Variants in KIF18A observed in about 807,000 individuals in gnomAD.
The protein encoded by KIF18A is kinesin family member 18A, also known as kinesin-like protein KIF18A.
Under a neutral mutation model 103.3 loss-of-function variants are expected in KIF18A, and 67 were observed. The observed-to-expected ratio is 0.65, with a 90% CI of 0.53 to 0.79. The LOEUF (loss-of-function observed/expected upper bound fraction) is 0.79, where lower values mean the gene tolerates loss of function less well. Among genes scored for constraint, KIF18A ranks in the 30% least tolerant of loss-of-function variants. The pLI is 0.00. For synonymous variants in KIF18A, 367 were observed against 355.5 expected (o/e 1.03, Z -0.36); for missense variants, 1,032 against 1,062.5 (o/e 0.97, Z 0.40).
At chr11:28,071,906 C>T (rs1851021237) in intron 10 of KIF18A, among the ~76,000 whole-genome samples, 1 of 152,130 alleles carries the variant, frequency 6.6e-6, no homozygotes, top group Admixed American at 6.5e-5. Context: ...GTCGTAGGGA[C>T]TCTTAGAAAC....
At chr11:28,026,266 T>C (rs746139252) in intron 15 of KIF18A, among the ~76,000 whole-genome samples, 42 of 151,746 alleles carry the variant, frequency 2.8e-4, no homozygotes, top group Non-Finnish European at 3.1e-4. Context: ...GCAAAATAAA[T>C]GAAATACATA....
At chr11:28,046,848 T>G (rs995453787) in intron 13 of KIF18A, among the ~76,000 whole-genome samples, 1 of 150,528 alleles carries the variant, frequency 6.6e-6, no homozygotes, top group African/African-American at 2.4e-5. Flanking sequence ...GGTCAGGAGT[T>G]TAAGACCAGC....
chr11:28,098,729 G>T (rs764582382), intron 1 of KIF18A, among the ~76,000 whole-genome samples: 13 of 152,120 alleles, frequency 8.5e-5, no homozygotes, highest in Non-Finnish European at 8.8e-5. Flanking sequence ...AAAAATTATG[G>T]TCTGATTTTA....
intron 1 of KIF18A, among the ~76,000 whole-genome samples, chr11:28,106,742 G>A (rs1851519565): frequency 6.6e-6 from 1 of 152,012 alleles, no homozygotes; most frequent in South Asian, 2.1e-4. Context: ...AGGCCGAGGC[G>A]GGCAGATGGC....
At chr11:28,076,891 G>A (rs1181904012) in intron 10 of KIF18A, 116 bp downstream of exon 10, 7 of 497,694 alleles carry the variant, frequency 1.4e-5, no homozygotes, top group African/African-American at 2.4e-5. Flanking sequence ...CTGAGGTTGT[G>A]CCACTGCACT....
At chr11:28,047,992 A>C (rs1282655474) in intron 13 of KIF18A, among the ~76,000 whole-genome samples, 1 of 152,144 alleles carries the variant, frequency 6.6e-6, no homozygotes. Context: ...CTATGTATAC[A>C]TGTGTATATA....
intron 5 of KIF18A, 133 bp from the exon 6 acceptor site, chr11:28,088,854 A>C: frequency 5.7e-6 from 4 of 696,618 alleles, no homozygotes; most frequent in Non-Finnish European, 9.6e-6. Context: ...GTATAATCTA[A>C]TTGATATTTA....
In KIF18A at chr11:28,058,843, A is replaced by C. The variant is rs1850819740; in HGVS notation, c.1948+83T>G. The C allele has an allele frequency of 8.8e-6, 9 of 1,024,200 alleles. 1 individual carries two copies. In the South Asian group the frequency reaches 1.2e-4, roughly 14 times the overall value. 63.4% of individuals were successfully genotyped at this position (1,024,200 alleles called of 1,614,324 possible). A position where few individuals can be genotyped will look rare whatever the true frequency, so the allele number is the denominator to read the frequency against. On this transcript the variant is annotated intron_variant, in intron 13 of 16. Transcript: ENST00000263181. Reference sequence around the variant, plus strand: ...TTCATAAAATAGACAAACCTATTAAAATTAACTGTTCTATAGATTGATATA... The same window carrying C: ...TTCATAAAATAGACAAACCTATTAACATTAACTGTTCTATAGATTGATATA...
chr11:28,077,180 T>C lies in KIF18A; in HGVS notation c.1263-11A>G. 2.6e-6 allele frequency: 4 copies of C among 1,543,664 alleles called. No individual in the cohort carries two copies. The highest frequency in any genetic ancestry group is 1.7e-4 in the Middle Eastern group (1 of 5,860). ...AGGATTTCTTGAAACCTACCAAAAT[T>C]AAAACACATTACAGAATCTCACTAA... is the stretch of plus-strand genomic sequence containing the variant. On this transcript the variant is annotated splice_polypyrimidine_tract_variant and intron_variant, in intron 9 of 16. Coordinates refer to ENST00000263181, the MANE Select transcript of KIF18A (RefSeq NM_031217.4).
intron 7 of KIF18A, 29 bp from the exon 8 acceptor site, chr11:28,083,272 T>C: frequency 6.5e-7 from 1 of 1,533,650 alleles, no homozygotes; most frequent in South Asian, 1.3e-5. Context: ...TATGATTGTT[T>C]ATAGAGAGAT....
intron 15 of KIF18A, among the ~76,000 whole-genome samples, chr11:28,027,029 G>T (rs1850330463): frequency 6.6e-6 from 1 of 151,728 alleles, no homozygotes; most frequent in South Asian, 2.1e-4. Flanking sequence ...CTTTGTTTAG[G>T]AGGGACAAGG....
At chr11:28,036,108 AG>A (rs1850483412) in intron 14 of KIF18A, 108 bp downstream of exon 14, 16 of 631,258 alleles carry the variant, frequency 2.5e-5, no homozygotes, top group African/African-American at 7.4e-5. Flanking sequence ...AAAATAAAAC[AG>A]ACTGTTTTAT....
chr11:28,084,597 T>C, intron 7 of KIF18A, 35 bp downstream of exon 7: 1 of 1,486,166 alleles, frequency 6.7e-7, no homozygotes, highest in African/African-American at 1.4e-5. Context: ...ATGCAGACAA[T>C]ACCTTCACAA....
intron 9 of KIF18A, among the ~76,000 whole-genome samples, chr11:28,079,880 G>A (rs1851142979): frequency 6.6e-6 from 1 of 151,932 alleles, no homozygotes; most frequent in South Asian, 2.1e-4. Flanking sequence ...TTAGCTGCTT[G>A]AGGAAAAAGT....
chr11:28,062,559 A>G (rs775224336), intron 11 of KIF18A, 43 bp from the exon 12 acceptor site: 1 of 1,485,682 alleles, frequency 6.7e-7, no homozygotes, highest in Non-Finnish European at 9.0e-7. Flanking sequence ...CACTCTAAGA[A>G]TATTGAAATT....
At chr11:28,088,438 C>T in intron 6 of KIF18A, 86 bp downstream of exon 6, 2 of 1,177,544 alleles carry the variant, frequency 1.7e-6, no homozygotes, top group Non-Finnish European at 2.5e-6. Context: ...TATATCAGAC[C>T]TTTAAAACAA....
chr11:28,069,515 A>G, intron 10 of KIF18A, 92 bp from the exon 11 acceptor site: 1 of 1,177,292 alleles, frequency 8.5e-7, no homozygotes, highest in Non-Finnish European at 1.2e-6. Context: ...TATGTGTACT[A>G]TTGTAGTAAA....
intron 13 of KIF18A, among the ~76,000 whole-genome samples, chr11:28,057,591 G>T (rs1195185685): frequency 1.3e-5 from 2 of 151,828 alleles, no homozygotes; most frequent in African/African-American, 4.8e-5. Flanking sequence ...TTTTGGTTTA[G>T]GTAAAGATGA....
chr11:28,040,784 G>A (rs1850549159), intron 13 of KIF18A, among the ~76,000 whole-genome samples: 1 of 151,608 alleles, frequency 6.6e-6, no homozygotes, highest in African/African-American at 2.4e-5. Flanking sequence ...TGTATGTTAT[G>A]GTTTCTGAGT....
Sources: allele counts gnomAD v4.1 joint callset (sites outside exome capture counted in the v4.1 genomes callset), GRCh38; gene constraint gnomAD v4.1.1; transcripts MANE v1.5; gene names NCBI Gene and HGNC (gene_info 2026-07-23, HGNC 2026-07-21).